The following PTPRD variants were observed in gnomAD, a reference collection of about 807,000 sequenced individuals.
PTPRD encodes the protein protein tyrosine phosphatase receptor type D.
A neutral mutation model predicts 214.5 loss-of-function variants in PTPRD; 34 were observed. The ratio of observed to expected loss-of-function variants is 0.16; its 90% confidence interval spans 0.12 to 0.21. PTPRD has a LOEUF of 0.21. Ranked by LOEUF, PTPRD falls within the 10% of genes least tolerant of loss-of-function variation. The pLI is 1.00. For missense variants in PTPRD, 2,545 were observed against 2,398.7 expected, an observed-to-expected ratio of 1.06 and a Z score of -1.27; for synonymous variants, 1,128 against 845.7, an observed-to-expected ratio of 1.33 and a Z score of -5.79.
chr9:9,410,905 T>C (rs1197668550), intron 8 of PTPRD, among the ~76,000 whole-genome samples: 1 of 152,146 alleles, frequency 6.6e-6, no homozygotes, highest in Non-Finnish European at 1.5e-5. Context: ...GCTGCTGTGA[T>C]AAACTGACTG....
chr9:9,621,375 A>C (rs1407656156), intron 7 of PTPRD, among the ~76,000 whole-genome samples: 2 of 152,064 alleles, frequency 1.3e-5, no homozygotes, highest in Non-Finnish European at 2.9e-5. Context: ...CCCTCATCCT[A>C]TTTTATTATA....
chr9:8,594,860 CTTTTT>C (rs55766168), intron 14 of PTPRD, among the ~76,000 whole-genome samples: 1 of 130,580 alleles, frequency 7.7e-6, no homozygotes, highest in Non-Finnish European at 1.6e-5. Flanking sequence ...TGTTTAACCC[CTTTTT>C]TTTTTTTTTT....
At chr9:10,208,234 G>T (rs962733430) in intron 3 of PTPRD, among the ~76,000 whole-genome samples, 7 of 152,228 alleles carry the variant, frequency 4.6e-5, no homozygotes, top group African/African-American at 1.7e-4. Flanking sequence ...TGAAACCGCG[G>T]CGGGGCGCGG....
intron 11 of PTPRD, among the ~76,000 whole-genome samples, chr9:8,813,620 G>C (rs867453205): frequency 6.6e-6 from 1 of 152,060 alleles, no homozygotes; most frequent in Non-Finnish European, 1.5e-5. Context: ...CAATCCTCCC[G>C]CCTCGGCCTC....
chr9:9,424,005 G>A (rs553771812), intron 8 of PTPRD, among the ~76,000 whole-genome samples: 1 of 152,120 alleles, frequency 6.6e-6, no homozygotes, highest in Non-Finnish European at 1.5e-5. Context: ...GGCAACTCAA[G>A]CCCCTTGGCC....
intron 25 of PTPRD, among the ~76,000 whole-genome samples, chr9:8,497,786 A>T (rs1402155750): frequency 6.6e-6 from 1 of 152,230 alleles, no homozygotes; most frequent in African/African-American, 2.4e-5. Context: ...AGAGAAAAAA[A>T]GACAGAGTTC....
At chr9:8,386,012 G>A (rs1357205923) in intron 37 of PTPRD, among the ~76,000 whole-genome samples, 1 of 152,124 alleles carries the variant, frequency 6.6e-6, no homozygotes, top group Admixed American at 6.5e-5. Flanking sequence ...GCTATCTTTT[G>A]GGGAAACTGA....
chr9:8,884,944 C>T (rs1421929306), intron 11 of PTPRD, among the ~76,000 whole-genome samples: 1 of 152,054 alleles, frequency 6.6e-6, no homozygotes, highest in Non-Finnish European at 1.5e-5. Context: ...CTCCTGGATT[C>T]CAGTGAGGAT....
At position 10,345,385 on chromosome 9, in the gene PTPRD, T is replaced by G. The variant is rs574614890; in HGVS notation, c.-599-4368A>C. Among the ~76,000 whole-genome samples, 3 of 152,218 alleles carry G rather than the reference T, an allele frequency of 2.0e-5. 1 individual carries two copies. The highest frequency in any genetic ancestry group is 4.2e-4 in the South Asian group (2 of 4,816). ...GCACCCATCAACCTGTCATCTACAT[T>G]AGATATTTCTCCTAATCCTATCCCT... On this transcript the variant is annotated intron_variant, in intron 2 of 45. Transcript: ENST00000381196.
intron 5 of PTPRD, among the ~76,000 whole-genome samples, chr9:9,768,716 A>G (rs2098726795): frequency 6.6e-6 from 1 of 152,226 alleles, no homozygotes; most frequent in Non-Finnish European, 1.5e-5. Context: ...AGTTTTCCAC[A>G]GGTCACATAA....
intron 7 of PTPRD, among the ~76,000 whole-genome samples, chr9:9,726,162 A>G (rs894571380): frequency 1.3e-5 from 2 of 152,150 alleles, no homozygotes; most frequent in Non-Finnish European, 2.9e-5. Context: ...TCCCATAATT[A>G]ATCTTCTATT....
At chr9:9,520,265 T>A (rs2096935231) in intron 8 of PTPRD, among the ~76,000 whole-genome samples, 1 of 142,354 alleles carries the variant, frequency 7.0e-6, no homozygotes, top group Non-Finnish European at 1.5e-5. Context: ...CTCCTAAAAG[T>A]TATATATATA....
chr9:9,395,516 T>G (rs2067465525), intron 9 of PTPRD, among the ~76,000 whole-genome samples: 1 of 152,086 alleles, frequency 6.6e-6, no homozygotes, highest in Admixed American at 6.6e-5. Flanking sequence ...TCAATTGATT[T>G]TGAAACTTCT....
intron 4 of PTPRD, among the ~76,000 whole-genome samples, chr9:10,026,603 C>A (rs73390222): frequency 0.024 from 3,620 of 152,188 alleles, 153 homozygotes; most frequent in African/African-American, 0.082. Flanking sequence ...AGTACAGTTA[C>A]AATAATACAC....
intron 11 of PTPRD, among the ~76,000 whole-genome samples, chr9:9,004,912 A>G (rs1185713317): frequency 6.6e-6 from 1 of 152,108 alleles, no homozygotes; most frequent in Non-Finnish European, 1.5e-5. Context: ...GTTTTGTTCA[A>G]TTGACCAGGG....
At chr9:8,397,985 T>C (rs149652145) in intron 36 of PTPRD, among the ~76,000 whole-genome samples, 3 of 152,272 alleles carry the variant, frequency 2.0e-5, no homozygotes, top group African/African-American at 7.2e-5. Flanking sequence ...AATGCTCTTA[T>C]GGGTCTGGTT....
chr9:8,753,855 T>A (rs928972380), intron 11 of PTPRD, among the ~76,000 whole-genome samples: 1 of 152,166 alleles, frequency 6.6e-6, no homozygotes, highest in East Asian at 1.9e-4. Context: ...AAAAGACTCA[T>A]TATTGTAGGC....
intron 2 of PTPRD, among the ~76,000 whole-genome samples, chr9:10,509,287 T>C (rs1396250963): frequency 1.3e-5 from 2 of 151,886 alleles, no homozygotes; most frequent in Non-Finnish European, 2.9e-5. Context: ...TTCCTCTGTG[T>C]AGTAATTTAT....
At position 8,951,486 on chromosome 9, in the gene PTPRD, A is replaced by G. The variant is rs2099101944; in HGVS notation, c.-104+67211T>C. On this transcript the variant is annotated intron_variant, in intron 11 of 45. Transcript: ENST00000381196. ...GAACTTTCTACTGAAATCTAGATTCATGTAGCTGACAATATACTTGATTTT... is the reference window on the plus strand; with the variant it reads ...GAACTTTCTACTGAAATCTAGATTCGTGTAGCTGACAATATACTTGATTTT... 2.0e-5 allele frequency among the ~76,000 whole-genome samples: 3 copies of G among 151,950 alleles called. No individual in the cohort carries two copies. In the South Asian group the frequency reaches 6.2e-4, roughly 31 times the overall value.
Sources: allele counts gnomAD v4.1 joint callset (sites outside exome capture counted in the v4.1 genomes callset), GRCh38; gene constraint gnomAD v4.1.1; transcripts MANE v1.5; gene names NCBI Gene and HGNC (gene_info 2026-07-23, HGNC 2026-07-21).